Variants in DPP6 observed in about 807,000 individuals in gnomAD.
DPP6 encodes A-type potassium channel modulatory protein DPP6.
In DPP6, 69 loss-of-function variants were observed where a neutral mutation model predicts 122.6. The ratio of observed to expected loss-of-function variants is 0.56; its 90% confidence interval spans 0.46 to 0.69. The LOEUF is 0.69. DPP6 is among the 30% of genes least tolerant of loss of function. The pLI is 0.00. For missense variants in DPP6, 928 were observed against 1,116.9 expected (o/e 0.83, Z 2.41); for synonymous variants, 418 against 433.1 (o/e 0.97, Z 0.43).
chr7:153,923,746 G>A (rs1800755147), intron 1 of DPP6, among the ~76,000 whole-genome samples: 1 of 127,688 alleles, frequency 7.8e-6, no homozygotes, highest in Non-Finnish European at 1.6e-5. Context: ...GGGCAACAGA[G>A]CGAGACTCCA....
chr7:154,777,184 G>C (rs1031682041), intron 10 of DPP6, among the ~76,000 whole-genome samples: 1 of 152,168 alleles, frequency 6.6e-6, no homozygotes, highest in Admixed American at 6.5e-5. Context: ...CTCCTAATGA[G>C]AGCTCACATT....
At chr7:153,954,095 C>A (rs1362671866) in intron 1 of DPP6, among the ~76,000 whole-genome samples, 1 of 152,230 alleles carries the variant, frequency 6.6e-6, no homozygotes, top group Non-Finnish European at 1.5e-5. Context: ...CTATAAAATG[C>A]CTTCACTTGA....
intron 7 of DPP6, among the ~76,000 whole-genome samples, chr7:154,713,157 C>G (rs1841292517): frequency 1.3e-5 from 2 of 152,250 alleles, no homozygotes; most frequent in African/African-American, 4.8e-5. Context: ...TGTTTCACGT[C>G]TAGGTCATGC....
At chr7:153,849,150 T>C in the DPP6 span, among the ~76,000 whole-genome samples, 2 of 152,214 alleles carry the variant, frequency 1.3e-5, no homozygotes, top group African/African-American at 2.4e-5. Flanking sequence ...ATGGGGGACG[T>C]ATCCAAAATT....
chr7:153,993,368 T>A (rs939604725), intron 1 of DPP6, among the ~76,000 whole-genome samples: 16 of 152,254 alleles, frequency 1.1e-4, no homozygotes, highest in African/African-American at 3.9e-4. Flanking sequence ...GATATTCGTT[T>A]AAATTTTATT....
At chr7:154,226,103 T>C (rs557820795) in intron 1 of DPP6, among the ~76,000 whole-genome samples, 1 of 152,240 alleles carries the variant, frequency 6.6e-6, no homozygotes, top group East Asian at 1.9e-4. Context: ...CACAGGAGAT[T>C]AGGCCCATGG....
rs535083139 is a variant in DPP6 at position 154,527,621 on chromosome 7, A to G, written c.458-12911A>G. 2.6e-5 allele frequency among the ~76,000 whole-genome samples: 4 copies of G among 152,332 alleles called. No homozygotes were observed. The South Asian group carries it at 8.3e-4, about 32-fold the overall frequency. The stretch of plus-strand genomic sequence containing the variant: ...TGATAGGAGAAAAATTAAATTTACT[A>G]CATTCATTGTGTATACTCTTTGTTT... On this transcript the variant is annotated intron_variant, in intron 3 of 25. Transcript: ENST00000377770.
chr7:153,805,403 C>A, the DPP6 span, among the ~76,000 whole-genome samples: 2 of 152,182 alleles, frequency 1.3e-5, no homozygotes, highest in Non-Finnish European at 2.9e-5. Flanking sequence ...CCAAGTCAGA[C>A]GTCCCAAGGA....
At chr7:154,617,189 GACCAAAAAT>G (rs1029497213) in intron 5 of DPP6, among the ~76,000 whole-genome samples, 2 of 152,226 alleles carry the variant, frequency 1.3e-5, no homozygotes, top group Non-Finnish European at 2.9e-5. Context: ...TTGGTACAGA[GACCAAAAAT>G]ACAAACCCAG....
chr7:154,440,042 C>T lies in DPP6; in HGVS notation c.244-6172C>T, dbSNP rs116184417. Among the ~76,000 whole-genome samples the T allele has an allele frequency of 2.2e-3, 337 of 152,206 alleles. 2 individuals carry two copies. Among genetic ancestry groups the T allele is most frequent in the African/African-American group, 7.7e-3 (319 of 41,530 alleles). On this transcript the variant is annotated intron_variant, in intron 1 of 25. Coordinates refer to ENST00000377770, the MANE Select transcript of DPP6 (RefSeq NM_130797.4). Reference sequence around the variant, plus strand: ...CCCGCAGGTTTGTGTCTGGATGTACCGGAAACATTGGCTCCTCTGCTTCCA... The same window carrying T: ...CCCGCAGGTTTGTGTCTGGATGTACTGGAAACATTGGCTCCTCTGCTTCCA...
At chr7:154,689,592 T>C (rs909353360) in intron 7 of DPP6, among the ~76,000 whole-genome samples, 1 of 152,088 alleles carries the variant, frequency 6.6e-6, no homozygotes, top group Non-Finnish European at 1.5e-5. Context: ...TTTTTGCGTC[T>C]GTGTTCATGG....
intron 7 of DPP6, among the ~76,000 whole-genome samples, chr7:154,703,996 C>T (rs921606428): frequency 1.1e-4 from 16 of 152,156 alleles, no homozygotes; most frequent in South Asian, 2.1e-4. Context: ...ATAGTGATTC[C>T]TCTGATGGAT....
chr7:154,893,810 G>C lies in DPP6; in HGVS notation c.*1330G>C, dbSNP rs547343621. The stretch of plus-strand genomic sequence containing the variant: ...GAGCCTGCATGCTGACACTGTGGCC[G>C]ATCTGGACTCTAGAAGTGCTAGTTT... On this transcript the variant is annotated 3_prime_UTR_variant, in exon 26 of 26. Coordinates refer to ENST00000377770, the MANE Select transcript of DPP6 (RefSeq NM_130797.4). 3 of 152,204 alleles carry C rather than the reference G, an allele frequency of 2.0e-5. No individual in the cohort carries two copies. The highest frequency in any genetic ancestry group is 4.4e-5 in the Non-Finnish European group (3 of 68,054). The allele number at this position is 152,204 out of a possible 1,614,324, so 9.4% of individuals were successfully genotyped here.
chr7:154,736,725 G>T (rs1842585499), intron 8 of DPP6, among the ~76,000 whole-genome samples: 1 of 152,184 alleles, frequency 6.6e-6, no homozygotes, highest in Non-Finnish European at 1.5e-5. Flanking sequence ...TTGAAGTCAA[G>T]AACTGTATTT....
intron 1 of DPP6, among the ~76,000 whole-genome samples, chr7:154,313,715 A>ATATATATATATATATG (rs1563460487): frequency 4.2e-4 from 15 of 35,768 alleles, no homozygotes; most frequent in Non-Finnish European, 6.5e-4. Flanking sequence ...ATATATATAT[A>ATATATATATATATATG]CACACACACG....
chr7:154,846,716 C>T (rs1467653111), intron 16 of DPP6, among the ~76,000 whole-genome samples: 2 of 152,154 alleles, frequency 1.3e-5, no homozygotes, highest in African/African-American at 4.8e-5. Context: ...TAAATATCCA[C>T]CAGTAGACAG....
At chr7:154,574,299 GTATGT>G (rs1390065705) in intron 5 of DPP6, among the ~76,000 whole-genome samples, 2 of 135,636 alleles carry the variant, frequency 1.5e-5, no homozygotes, top group East Asian at 2.8e-4. Flanking sequence ...GTATGTGTGT[GTATGT>G]GTGTGGTGTG....
At chr7:154,560,244 C>T (rs889204357) in intron 4 of DPP6, among the ~76,000 whole-genome samples, 1 of 152,032 alleles carries the variant, frequency 6.6e-6, no homozygotes, top group African/African-American at 2.4e-5. Flanking sequence ...TCAAAGGGTC[C>T]TTTAAATATA....
intron 6 of DPP6, among the ~76,000 whole-genome samples, chr7:154,656,239 C>CCTGAACATCAAGACA (rs1837232318): frequency 6.5e-5 from 3 of 45,938 alleles, no homozygotes; most frequent in Admixed American, 2.1e-4. Context: ...AAGGGGCAGT[C>CCTGAACATCAAGACA]GAGAGGGAGG....
Sources: gnomAD v4.1 joint callset for allele counts (sites outside exome capture counted in the v4.1 genomes callset) on GRCh38, gnomAD v4.1.1 for gene constraint, MANE v1.5 for transcripts, NCBI Gene and HGNC (gene_info 2026-07-23, HGNC 2026-07-21) for gene names.